The following SEC63 variants were observed in gnomAD, a reference collection of about 807,000 sequenced individuals.
The protein encoded by SEC63 is SEC63 protein translocation regulator.
In SEC63, 56 loss-of-function variants were observed where a neutral mutation model predicts 116.2. The observed-to-expected ratio is 0.48, with a 90% CI of 0.39 to 0.60. The LOEUF is 0.60. Ranked by LOEUF, SEC63 falls within the 20% of genes least tolerant of loss-of-function variation. SEC63 has a pLI of 0.00. For synonymous variants in SEC63, 273 were observed against 294.6 expected (o/e 0.93, Z 0.75); for missense variants, 668 against 900.0 (o/e 0.74, Z 3.30).
At chr6:107,875,840 T>C (rs1562311993) in intron 19 of SEC63, among the ~76,000 whole-genome samples, 1 of 152,142 alleles carries the variant, frequency 6.6e-6, no homozygotes, top group Non-Finnish European at 1.5e-5. Flanking sequence ...TATAGAGAAA[T>C]AAATATCTAG....
intron 4 of SEC63, among the ~76,000 whole-genome samples, chr6:107,914,185 A>G (rs1170796076): frequency 6.6e-6 from 1 of 152,202 alleles, no homozygotes; most frequent in African/African-American, 2.4e-5. Context: ...AAAGCATTAA[A>G]ATGAATTCCC....
intron 6 of SEC63, among the ~76,000 whole-genome samples, chr6:107,912,003 T>A (rs900277563): frequency 3.9e-5 from 6 of 152,230 alleles, no homozygotes; most frequent in Non-Finnish European, 7.3e-5. Context: ...ACCAGAAGCA[T>A]GACAAACAAG....
At chr6:107,952,498 C>G (rs778427031) in intron 1 of SEC63, among the ~76,000 whole-genome samples, 3 of 152,206 alleles carry the variant, frequency 2.0e-5, no homozygotes, top group Non-Finnish European at 4.4e-5. Flanking sequence ...TGGCTCACAG[C>G]TGTAATCCCA....
rs189337448 is a variant in SEC63 at position 107,937,418 on chromosome 6, G to A, written c.125-7904C>T. ...TGGGATTACAGGCATGAGCCACCAC[G>A]CCCGGCCACTACATTTTCTTTATCC... is the stretch of plus-strand genomic sequence containing the variant. On this transcript the variant is annotated intron_variant, in intron 1 of 20. Transcript: ENST00000369002. 4.1e-3 allele frequency among the ~76,000 whole-genome samples: 631 copies of A among 152,212 alleles called. 3 individuals carry two copies. The highest frequency in any genetic ancestry group is 0.014 in the African/African-American group (590 of 41,532).
rs560051584 is a variant in SEC63, at chr6:107,899,260, C to T, written c.1358-1529G>A. Among the ~76,000 whole-genome samples the T allele has an allele frequency of 2.0e-5, 3 of 152,296 alleles. No homozygotes were observed. In the East Asian group the frequency reaches 5.8e-4, roughly 29 times the overall value. On this transcript the variant is annotated intron_variant, in intron 13 of 20. Coordinates refer to ENST00000369002, the MANE Select transcript of SEC63 (RefSeq NM_007214.5). ...TCTACTCCTCCTTCACCAACTATAG[C>T]ACTATTATTACATAATTAGGCAGCA...
intron 17 of SEC63, among the ~76,000 whole-genome samples, chr6:107,881,964 G>A (rs900612445): frequency 6.6e-6 from 1 of 152,140 alleles, no homozygotes; most frequent in Non-Finnish European, 1.5e-5. Context: ...AACCCTAAGA[G>A]TCACTGCTAC....
chr6:107,939,950 T>C (rs1432243400), intron 1 of SEC63, among the ~76,000 whole-genome samples: 1 of 152,168 alleles, frequency 6.6e-6, no homozygotes, highest in Non-Finnish European at 1.5e-5. Context: ...TGAATCTGAA[T>C]AGTTAGCCAT....
At chr6:107,935,837 T>C (rs540108799) in intron 1 of SEC63, among the ~76,000 whole-genome samples, 2 of 152,208 alleles carry the variant, frequency 1.3e-5, no homozygotes, top group African/African-American at 4.8e-5. Context: ...ATCAATTAAA[T>C]GTTATGTGAT....
chr6:107,939,466 T>C (rs778619102), intron 1 of SEC63, among the ~76,000 whole-genome samples: 2 of 151,970 alleles, frequency 1.3e-5, no homozygotes, highest in African/African-American at 2.4e-5. Context: ...ACCAACCAAA[T>C]TGAACTATCA....
chr6:107,889,960 TTC>T (rs1166936386), intron 16 of SEC63, among the ~76,000 whole-genome samples: 1 of 152,180 alleles, frequency 6.6e-6, no homozygotes, highest in Admixed American at 6.5e-5. Flanking sequence ...CTGTTATAAT[TTC>T]TGTTCTTTCA....
chr6:107,899,405 A>G (rs769309133), intron 13 of SEC63, among the ~76,000 whole-genome samples: 8 of 152,186 alleles, frequency 5.3e-5, no homozygotes, highest in Non-Finnish European at 1.0e-4. Context: ...CTCTTCTAAT[A>G]TTCATTTTTC....
chr6:107,914,935 C>T (rs74699099), intron 4 of SEC63, among the ~76,000 whole-genome samples: 4 of 152,224 alleles, frequency 2.6e-5, no homozygotes, highest in Admixed American at 6.5e-5. Flanking sequence ...CTACGAGTTA[C>T]GATTACATTA....
At position 107,908,983 on chromosome 6, in the gene SEC63, C is replaced by T. The variant is rs762056076; in HGVS notation, c.677G>A (p.Arg226His). 26 of 1,612,912 alleles carry T rather than the reference C, an allele frequency of 1.6e-5. No individual in the cohort carries two copies. The highest frequency in any genetic ancestry group is 1.6e-4 in the Middle Eastern group (1 of 6,078). ...AAAGTATGTATAAATCTGTGTTGTGCGTATTAGAATCTGGTCTCCACTATA... is the reference window on the plus strand; with the variant it reads ...AAAGTATGTATAAATCTGTGTTGTGTGTATTAGAATCTGGTCTCCACTATA... ...IRYSGDQILI[R>H]TTQIYTYFVY... Residue 226 changes from arginine to histidine, a missense_variant, in exon 8 of 21, where the codon CGC becomes CAC. By Grantham distance (29) the Arg-to-His change is conservative. Around this residue, in one of 5 missense-constraint regions of SEC63, gnomAD observed 430 missense variants for 557.5 expected, o/e 0.77. Coordinates refer to ENST00000369002, the MANE Select transcript of SEC63 (RefSeq NM_007214.5).
At chr6:107,933,727 G>A (rs1304973817) in intron 1 of SEC63, among the ~76,000 whole-genome samples, 2 of 128,000 alleles carry the variant, frequency 1.6e-5, no homozygotes, top group East Asian at 2.7e-4. Context: ...CACGGCCCAC[G>A]GTCTCCCTCT....
intron 4 of SEC63, among the ~76,000 whole-genome samples, chr6:107,918,167 G>A (rs1206410725): frequency 1.3e-5 from 2 of 151,100 alleles, no homozygotes; most frequent in East Asian, 3.9e-4. Context: ...TCTATAAATA[G>A]AACAACAAAT....
At chr6:107,913,582 A>G (rs553258333) in intron 4 of SEC63, among the ~76,000 whole-genome samples, 155 bp from the exon 5 acceptor site, 14 of 152,330 alleles carry the variant, frequency 9.2e-5, no homozygotes, top group African/African-American at 2.9e-4. Context: ...AGAAAGGGAA[A>G]GGGAGGAGCA....
intron 1 of SEC63, 42 bp downstream of exon 1, chr6:107,957,825 AGGGCCTGGGGGCGCTGGCG>A: frequency 6.8e-7 from 1 of 1,469,676 alleles, no homozygotes; most frequent in Non-Finnish European, 9.0e-7. Context: ...CGGGCGCCGC[AGGGCCTGGGGGCGCTGGCG>A]GGGCCTGCGC....
chr6:107,902,908 G>A lies in SEC63; in HGVS notation c.1145C>T (p.Ser382Phe). The part of the protein sequence containing the change: ...MAVQGLQQFK[S>F]PLLQLPHIEE... Reference sequence around the variant, plus strand: ...AATATGAGGGAGCTGCAGAAGGGGAGACTTAAATTGCTGAAGTCCCTGAAC... The same window carrying A: ...AATATGAGGGAGCTGCAGAAGGGGAAACTTAAATTGCTGAAGTCCCTGAAC... The change falls in exon 12 of 21, where the codon TCT (serine) becomes TTT (phenylalanine). Residue 382 changes from serine (S) to phenylalanine (F), a missense_variant. Ser to Phe is a radical substitution (Grantham distance 155, BLOSUM62 -2). This residue lies in a region of SEC63 where 430 missense variants were observed against 557.5 expected (regional missense o/e 0.77). Coordinates refer to ENST00000369002, the MANE Select transcript of SEC63 (RefSeq NM_007214.5). 6.2e-7 allele frequency: 1 copy of A among 1,613,734 alleles called. No individual in the cohort carries two copies. The highest frequency in any genetic ancestry group is 8.5e-7 in the Non-Finnish European group (1 of 1,179,670).
chr6:107,887,353 G>GT (rs1786554746), intron 16 of SEC63, among the ~76,000 whole-genome samples: 1 of 142,326 alleles, frequency 7.0e-6, no homozygotes, highest in South Asian at 2.4e-4. Context: ...CAACCCAAAT[G>GT]TCCAACAATG....
Sources: allele counts gnomAD v4.1 joint callset (sites outside exome capture counted in the v4.1 genomes callset), GRCh38; gene constraint gnomAD v4.1.1; regional missense constraint gnomAD v4.1.1; transcripts MANE v1.5; gene names NCBI Gene and HGNC (gene_info 2026-07-23, HGNC 2026-07-21).